The following SDK1 variants were observed in gnomAD, a reference collection of about 807,000 sequenced individuals.
The protein encoded by SDK1 is protein sidekick-1.
A neutral mutation model predicts 245.5 loss-of-function variants in SDK1; 157 were observed. The observed-to-expected ratio is 0.64, with a 90% CI of 0.56 to 0.73. SDK1 has a LOEUF of 0.73. Among genes scored for constraint, SDK1 ranks in the 30% least tolerant of loss-of-function variants. The pLI, the probability that SDK1 is intolerant of heterozygous loss-of-function variation, is 0.00. For synonymous variants in SDK1, 1,647 were observed against 1,278.5 expected, an observed-to-expected ratio of 1.29 and a Z score of -6.15; for missense variants, 3,583 against 3,002.3, an observed-to-expected ratio of 1.19 and a Z score of -4.52.
chr7:3,613,397 G>T (rs1781666493), intron 1 of SDK1, among the ~76,000 whole-genome samples: 1 of 152,192 alleles, frequency 6.6e-6, no homozygotes, highest in African/African-American at 2.4e-5. Context: ...TTAGGGAAGT[G>T]TCATCTTCAC....
chr7:4,144,406 C>T (rs1022722137), intron 28 of SDK1, among the ~76,000 whole-genome samples: 5 of 150,934 alleles, frequency 3.3e-5, no homozygotes, highest in African/African-American at 9.7e-5. Context: ...GAGGTGGCTG[C>T]GTCATGGACA....
intron 30 of SDK1, among the ~76,000 whole-genome samples, chr7:4,150,909 C>T (rs1405877080): frequency 1.3e-5 from 2 of 152,250 alleles, no homozygotes; most frequent in African/African-American, 4.8e-5. Context: ...CAGTACAGAG[C>T]TGTGAAGCTG....
chr7:3,319,880 T>TTTTTTTTTTTTTTTTTTTTTTTTTC (rs1554257086), intron 1 of SDK1, among the ~76,000 whole-genome samples: 1 of 127,892 alleles, frequency 7.8e-6, no homozygotes, highest in Non-Finnish European at 1.6e-5. Context: ...TTCTTAGTCT[T>TTTTTTTTTTTTTTTTTTTTTTTTTC]TTTTTTTTTT....
intron 20 of SDK1, among the ~76,000 whole-genome samples, chr7:4,074,857 T>A (rs150083059): frequency 0.029 from 1,392 of 48,548 alleles, 6 homozygotes; most frequent in African/African-American, 0.07. Flanking sequence ...AGCAAGACTT[T>A]CTCTCTCTCT....
chr7:3,639,809 A>T (rs1782593759), intron 3 of SDK1, among the ~76,000 whole-genome samples: 1 of 151,796 alleles, frequency 6.6e-6, no homozygotes, highest in Non-Finnish European at 1.5e-5. Context: ...TATAATAGAG[A>T]CATAACATAT....
At chr7:4,240,893 T>C (rs7800508) in intron 42 of SDK1, among the ~76,000 whole-genome samples, 108,553 of 151,900 alleles carry the variant, frequency 0.71, 40,580 homozygotes, top group African/African-American at 0.92. Context: ...GAGAAACCCG[T>C]GTTAGGGAGG....
At position 4,083,728 on chromosome 7, in the gene SDK1, TCCTCCATC is replaced by T. The variant is rs1273626324; in HGVS notation, c.3324+4150_3324+4157del. Among the ~76,000 whole-genome samples the T allele has an allele frequency of 8.3e-4, 14 of 16,912 alleles. 1 individual carries two copies. The highest frequency in any genetic ancestry group is 2.0e-3 in the South Asian group (1 of 492). 11.1% of individuals were successfully genotyped at this position (16,912 alleles called of 152,430 possible). A position where few individuals can be genotyped will look rare whatever the true frequency, so the allele number is the denominator to read the frequency against. ...TTACTTCCTCCCTCCCTTCTTTACT[TCCTCCATC>T]CCTCCCTTCCTTTACTTCCTGTCTC... On this transcript the variant is annotated intron_variant, in intron 22 of 44. Coordinates refer to ENST00000404826, the MANE Select transcript of SDK1 (RefSeq NM_152744.4).
intron 19 of SDK1, among the ~76,000 whole-genome samples, chr7:4,061,234 G>C (rs935310166): frequency 6.6e-6 from 1 of 151,992 alleles, no homozygotes; most frequent in African/African-American, 2.4e-5. Flanking sequence ...ACCTTGGGCA[G>C]TATGGCCATT....
At chr7:4,209,589 C>T (rs902994741) in intron 37 of SDK1, among the ~76,000 whole-genome samples, 2 of 152,188 alleles carry the variant, frequency 1.3e-5, no homozygotes, top group African/African-American at 4.8e-5. Context: ...CCCCCAAAAC[C>T]CCCAGGCCTC....
intron 5 of SDK1, among the ~76,000 whole-genome samples, chr7:3,948,423 A>C (rs575653467): frequency 6.6e-6 from 1 of 151,780 alleles, no homozygotes; most frequent in South Asian, 2.1e-4. Flanking sequence ...ACACCCAGCT[A>C]ATTTGTTTTT....
intron 1 of SDK1, among the ~76,000 whole-genome samples, chr7:3,594,092 C>T (rs146477794): frequency 2.0e-5 from 3 of 152,272 alleles, no homozygotes; most frequent in East Asian, 3.9e-4. Context: ...TACTAGGAGT[C>T]ACTCTCTATC....
Position 3,925,247 on chromosome 7 carries a change from C to A in SDK1, c.848-25676C>A, listed in dbSNP as rs147789162. ...GAACAGGAAGAAACACAGAGCACATCTTCCAGGAAGAACCTTTGATAAGCT... is the reference window on the plus strand; with the variant it reads ...GAACAGGAAGAAACACAGAGCACATATTCCAGGAAGAACCTTTGATAAGCT... On this transcript the variant is annotated intron_variant, in intron 5 of 44. Transcript: ENST00000404826. Among the ~76,000 whole-genome samples, 728 of 152,282 alleles carry A rather than the reference C, an allele frequency of 4.8e-3. 5 individuals carry two copies. Among genetic ancestry groups the A allele is most frequent in the South Asian group, 0.015 (71 of 4,814 alleles).
intron 1 of SDK1, among the ~76,000 whole-genome samples, chr7:3,383,571 C>G (rs973500961): frequency 1.3e-5 from 2 of 152,138 alleles, no homozygotes; most frequent in Non-Finnish European, 2.9e-5. Flanking sequence ...TAATTGTGCT[C>G]TCTGTTTTGA....
chr7:3,543,753 A>G lies in SDK1; in HGVS notation c.299-75327A>G, dbSNP rs562214585. 2.0e-4 allele frequency among the ~76,000 whole-genome samples: 30 copies of G among 152,314 alleles called. No homozygotes were observed. The East Asian group carries it at 2.1e-3, about 11-fold the overall frequency. On this transcript the variant is annotated intron_variant, in intron 1 of 44. Coordinates refer to ENST00000404826, the MANE Select transcript of SDK1 (RefSeq NM_152744.4). ...ATGTTTACAGTGTGTTTTAAATTCT[A>G]TTGATGTTCGTATGTTGTGAATTCC...
chr7:3,342,919 A>G (rs1044515773), intron 1 of SDK1, among the ~76,000 whole-genome samples: 3 of 152,146 alleles, frequency 2.0e-5, no homozygotes, highest in Admixed American at 6.5e-5. Context: ...AAATAATCAC[A>G]GAAAAAGACA....
chr7:4,158,620 CT>C, intron 31 of SDK1, 69 bp downstream of exon 31: 2 of 1,186,280 alleles, frequency 1.7e-6, no homozygotes, highest in Non-Finnish European at 2.5e-6. Flanking sequence ...TTAGGCCACA[CT>C]TTCGTCTTGA....
At chr7:3,951,578 C>T (rs956451620) in intron 6 of SDK1, 152 bp from the exon 7 acceptor site, 23 of 641,756 alleles carry the variant, frequency 3.6e-5, no homozygotes, top group Middle Eastern at 3.2e-4. Flanking sequence ...AGTAGAGTTA[C>T]ATCTAGATTG....
intron 8 of SDK1, among the ~76,000 whole-genome samples, chr7:3,961,968 AAC>A (rs533524660): frequency 5.2e-4 from 79 of 151,824 alleles, no homozygotes; most frequent in African/African-American, 1.6e-3. Context: ...TACACACATA[AAC>A]ACATGCACAT....
rs62440632 is a variant in SDK1, at chr7:4,194,348, A to G, written c.5099-11531A>G. Among the ~76,000 whole-genome samples the G allele has an allele frequency of 2.8e-5, 3 of 108,008 alleles. No homozygotes were observed. In the South Asian group the frequency reaches 9.7e-4, roughly 35 times the overall value. The allele number at this position is 108,008 out of a possible 152,430, so 70.9% of individuals were successfully genotyped here. A position where few individuals can be genotyped will look rare whatever the true frequency, so the allele number is the denominator to read the frequency against. ...TGCACGTATGTGTATACATGTATAG[A>G]TATATGTATGCACGTATGTGTATAC... is the stretch of plus-strand genomic sequence containing the variant. On this transcript the variant is annotated intron_variant, in intron 35 of 44. Coordinates refer to ENST00000404826, the MANE Select transcript of SDK1 (RefSeq NM_152744.4).
Sources: allele counts gnomAD v4.1 joint callset (sites outside exome capture counted in the v4.1 genomes callset), GRCh38; gene constraint gnomAD v4.1.1; transcripts MANE v1.5; gene names NCBI Gene and HGNC (gene_info 2026-07-23, HGNC 2026-07-21).